The following NALF1 variants were observed in gnomAD, a reference collection of about 807,000 sequenced individuals.
The protein encoded by NALF1 is family with sequence similarity 155 member A.
A neutral mutation model predicts 48.4 loss-of-function variants in NALF1; 3 were observed. The ratio of observed to expected loss-of-function variants is 0.06; its 90% CI spans 0.03 to 0.16. NALF1 has a LOEUF of 0.16. Ranked by LOEUF, NALF1 falls within the 10% of genes least tolerant of loss-of-function variation. The pLI, the probability that NALF1 is intolerant of heterozygous loss-of-function variation, is 1.00. For missense variants in NALF1, 526 were observed against 571.5 expected (o/e 0.92, Z 0.81); for synonymous variants, 262 against 245.7 (o/e 1.07, Z -0.62).
chr13:107,579,780 G>C (rs531742471), intron 1 of NALF1, among the ~76,000 whole-genome samples: 1 of 151,436 alleles, frequency 6.6e-6, no homozygotes, highest in Non-Finnish European at 1.5e-5. Context: ...CCACTAACTC[G>C]TCATCTAGCA....
chr13:107,255,453 G>A (rs1033901907), intron 1 of NALF1, among the ~76,000 whole-genome samples: 4 of 152,094 alleles, frequency 2.6e-5, no homozygotes, highest in Non-Finnish European at 4.4e-5. Context: ...CAAATTAACA[G>A]CCGGACCCTG....
At chr13:107,743,267 C>A (rs1046880931) in intron 1 of NALF1, among the ~76,000 whole-genome samples, 6 of 152,176 alleles carry the variant, frequency 3.9e-5, no homozygotes, top group African/African-American at 1.4e-4. Context: ...TCCTTTCCTG[C>A]AGTTTTGTAT....
At chr13:107,351,169 T>C (rs886937250) in intron 1 of NALF1, among the ~76,000 whole-genome samples, 1 of 152,230 alleles carries the variant, frequency 6.6e-6, no homozygotes, top group Non-Finnish European at 1.5e-5. Context: ...AGATCTGTTA[T>C]GCAATACGCG....
At chr13:107,589,503 G>A (rs1878546870) in intron 1 of NALF1, among the ~76,000 whole-genome samples, 1 of 151,958 alleles carries the variant, frequency 6.6e-6, no homozygotes. Context: ...AGGAATTCTT[G>A]ATATATTCAA....
intron 1 of NALF1, among the ~76,000 whole-genome samples, chr13:107,392,380 G>C (rs940974173): frequency 1.3e-5 from 2 of 152,074 alleles, no homozygotes; most frequent in Admixed American, 6.6e-5. Context: ...TCTTTACTCA[G>C]CACCCTCAAT....
chr13:107,826,243 G>A (rs1474946158), intron 1 of NALF1, among the ~76,000 whole-genome samples: 1 of 152,202 alleles, frequency 6.6e-6, no homozygotes, highest in African/African-American at 2.4e-5. Flanking sequence ...TTCTGAGTTA[G>A]TCCATTTCTG....
At chr13:107,206,661 T>C (rs894381843) in intron 2 of NALF1, among the ~76,000 whole-genome samples, 5 of 152,086 alleles carry the variant, frequency 3.3e-5, no homozygotes, top group African/African-American at 1.2e-4. Context: ...ATATAGCCAA[T>C]AGGACAATGA....
intron 2 of NALF1, among the ~76,000 whole-genome samples, chr13:107,203,025 T>A (rs577920519): frequency 6.6e-6 from 1 of 152,246 alleles, no homozygotes; most frequent in African/African-American, 2.4e-5. Flanking sequence ...TTGCACAGGA[T>A]AATTTCATTG....
chr13:107,293,611 G>A (rs952694545), intron 1 of NALF1, among the ~76,000 whole-genome samples: 1 of 152,146 alleles, frequency 6.6e-6, no homozygotes, highest in African/African-American at 2.4e-5. Context: ...CATCCTCATT[G>A]TAATGGTCAC....
intron 1 of NALF1, among the ~76,000 whole-genome samples, chr13:107,325,841 AACACAC>A (rs149568387): frequency 0.03 from 2,350 of 77,330 alleles, 59 homozygotes; most frequent in Non-Finnish European, 0.042. Context: ...ACTGTGTCTC[AACACAC>A]ACACACACAT....
intron 1 of NALF1, among the ~76,000 whole-genome samples, chr13:107,390,876 G>T (rs1333196661): frequency 2.8e-5 from 3 of 107,464 alleles, no homozygotes; most frequent in Non-Finnish European, 6.1e-5. Context: ...CAGCCAGAAG[G>T]TTAATAATAA....
chr13:107,488,823 G>A (rs1263591077), intron 1 of NALF1, among the ~76,000 whole-genome samples: 2 of 152,114 alleles, frequency 1.3e-5, no homozygotes, highest in Admixed American at 1.3e-4. Context: ...AGGAAGAGAG[G>A]AAGTCAAATT....
intron 1 of NALF1, among the ~76,000 whole-genome samples, chr13:107,548,789 G>C (rs1352186574): frequency 6.6e-6 from 1 of 151,982 alleles, no homozygotes; most frequent in Non-Finnish European, 1.5e-5. Context: ...TGAACTTGTA[G>C]AGGAATATCT....
At chr13:107,860,451 A>G (rs1007930787) in intron 1 of NALF1, among the ~76,000 whole-genome samples, 2 of 152,202 alleles carry the variant, frequency 1.3e-5, no homozygotes, top group African/African-American at 4.8e-5. Context: ...CATCAGAATC[A>G]CCAGGGAGAC....
At chr13:107,671,529 G>A (rs1230242892) in intron 1 of NALF1, among the ~76,000 whole-genome samples, 2 of 152,018 alleles carry the variant, frequency 1.3e-5, no homozygotes, top group African/African-American at 4.8e-5. Flanking sequence ...AAGCTGCATG[G>A]GAAAGGCCTT....
chr13:107,366,033 C>T (rs186968334), intron 1 of NALF1, among the ~76,000 whole-genome samples: 1 of 152,300 alleles, frequency 6.6e-6, no homozygotes, highest in Non-Finnish European at 1.5e-5. Context: ...AGTTACGCCA[C>T]TAACATAGAA....
intron 1 of NALF1, among the ~76,000 whole-genome samples, chr13:107,317,484 T>C (rs1378000987): frequency 3.9e-5 from 6 of 151,994 alleles, no homozygotes; most frequent in African/African-American, 1.4e-4. Context: ...CATGTAGAAT[T>C]CCTGGGAATA....
At chr13:107,605,806 T>C (rs1879050923) in intron 1 of NALF1, among the ~76,000 whole-genome samples, 2 of 152,196 alleles carry the variant, frequency 1.3e-5, no homozygotes, top group Admixed American at 6.5e-5. Context: ...GTGAAACATA[T>C]TAGTTGAAGA....
intron 1 of NALF1, among the ~76,000 whole-genome samples, chr13:107,498,491 CA>C (rs1358383088): frequency 6.6e-6 from 1 of 152,010 alleles, no homozygotes; most frequent in East Asian, 1.9e-4. Context: ...GGAGGTTAAG[CA>C]AGTTTTGGGC....
Sources: allele counts gnomAD v4.1 joint callset (sites outside exome capture counted in the v4.1 genomes callset), GRCh38; gene constraint gnomAD v4.1.1; transcripts MANE v1.5; gene names NCBI Gene and HGNC (gene_info 2026-07-23, HGNC 2026-07-21).